PPARGC1A: variants seen among roughly 807,000 people sequenced by gnomAD.
PPARGC1A encodes PPARG coactivator 1 alpha.
Under a neutral mutation model 88.7 loss-of-function variants are expected in PPARGC1A, and 25 were observed. The ratio of observed to expected loss-of-function variants is 0.28; its 90% confidence interval spans 0.21 to 0.39. The LOEUF (loss-of-function observed/expected upper bound fraction) is 0.39, where lower values mean the gene tolerates loss of function less well. Ranked by LOEUF, PPARGC1A falls within the 10% of genes least tolerant of loss-of-function variation. The pLI is 1.00. For synonymous variants in PPARGC1A, 363 were observed against 355.6 expected, an observed-to-expected ratio of 1.02 and a Z score of -0.24; for missense variants, 880 against 968.7, an observed-to-expected ratio of 0.91 and a Z score of 1.22.
At chr4:23,808,034 G>A (rs943621657) in intron 10 of PPARGC1A, among the ~76,000 whole-genome samples, 13 of 152,020 alleles carry the variant, frequency 8.6e-5, no homozygotes, top group South Asian at 2.1e-4. Flanking sequence ...GGCAGATCAC[G>A]AGGTCAGGAG....
At chr4:24,093,311 T>C in the PPARGC1A span, among the ~76,000 whole-genome samples, 3 of 152,212 alleles carry the variant, frequency 2.0e-5, no homozygotes, top group Non-Finnish European at 2.9e-5. Flanking sequence ...CCTCGGTCAA[T>C]TGTGACACTT....
chr4:23,836,861 G>T (rs1443696768), intron 2 of PPARGC1A, among the ~76,000 whole-genome samples: 1 of 152,162 alleles, frequency 6.6e-6, no homozygotes, highest in African/African-American at 2.4e-5. Flanking sequence ...CACACAGAGG[G>T]TCAATAAATC....
the PPARGC1A span, among the ~76,000 whole-genome samples, chr4:24,248,854 G>A: frequency 1.3e-5 from 2 of 152,164 alleles, no homozygotes; most frequent in Non-Finnish European, 2.9e-5. Flanking sequence ...GGGCCCTAAG[G>A]TCAGGAATGC....
At chr4:23,915,839 T>C in the PPARGC1A span, among the ~76,000 whole-genome samples, 3 of 152,138 alleles carry the variant, frequency 2.0e-5, no homozygotes, top group African/African-American at 7.2e-5. Flanking sequence ...CACATGCAAA[T>C]GTGTAGTGAC....
chr4:24,237,773 C>T, the PPARGC1A span, among the ~76,000 whole-genome samples: 1 of 152,160 alleles, frequency 6.6e-6, no homozygotes, highest in Non-Finnish European at 1.5e-5. Flanking sequence ...GAGGCAACAA[C>T]TTTATAGGCG....
At chr4:23,960,247 CA>C in the PPARGC1A span, among the ~76,000 whole-genome samples, 1 of 152,070 alleles carries the variant, frequency 6.6e-6, no homozygotes, top group Non-Finnish European at 1.5e-5. Flanking sequence ...CTGGCAATAT[CA>C]GGGGACATTT....
At chr4:24,209,286 CTGA>C in the PPARGC1A span, among the ~76,000 whole-genome samples, 1 of 152,258 alleles carries the variant, frequency 6.6e-6, no homozygotes. Flanking sequence ...CAGGTGCTGC[CTGA>C]TGACTTCTTC....
chr4:24,096,758 CCACT>C, the PPARGC1A span, among the ~76,000 whole-genome samples: 1 of 151,942 alleles, frequency 6.6e-6, no homozygotes, highest in African/African-American at 2.4e-5. Flanking sequence ...TTTTCCTTAC[CCACT>C]GTTTTTCCCT....
chr4:24,347,582 C>T, the PPARGC1A span, among the ~76,000 whole-genome samples: 1 of 152,074 alleles, frequency 6.6e-6, no homozygotes, highest in Non-Finnish European at 1.5e-5. Context: ...TACCCCTGCT[C>T]GCTTTTGTTG....
intron 2 of PPARGC1A, among the ~76,000 whole-genome samples, chr4:23,879,292 C>T (rs1715438832): frequency 1.3e-5 from 2 of 152,102 alleles, no homozygotes; most frequent in African/African-American, 4.8e-5. Flanking sequence ...GAATTCATTA[C>T]CATGGAAGGC....
the PPARGC1A span, among the ~76,000 whole-genome samples, chr4:24,128,837 G>T: frequency 6.6e-6 from 1 of 152,056 alleles, no homozygotes; most frequent in Admixed American, 6.6e-5. Flanking sequence ...ATCCATAATT[G>T]GAGGAAAGGA....
intron 7 of PPARGC1A, among the ~76,000 whole-genome samples, chr4:23,818,259 T>G (rs1722343076): frequency 6.6e-6 from 1 of 152,154 alleles, no homozygotes; most frequent in Admixed American, 6.6e-5. Context: ...CAGATTTATG[T>G]GAGGACAGAT....
chr4:24,288,627 T>G, the PPARGC1A span, among the ~76,000 whole-genome samples: 14 of 152,306 alleles, frequency 9.2e-5, no homozygotes, highest in African/African-American at 3.4e-4. Flanking sequence ...ACTAATAAAG[T>G]TGACAGGAAG....
chr4:24,427,752 G>T, the PPARGC1A span, among the ~76,000 whole-genome samples: 10 of 151,974 alleles, frequency 6.6e-5, no homozygotes, highest in Admixed American at 6.6e-4. Context: ...CAGGAGGGGT[G>T]GTTACTGGCA....
the PPARGC1A span, among the ~76,000 whole-genome samples, chr4:24,202,177 C>T: frequency 3.9e-5 from 6 of 152,036 alleles, no homozygotes; most frequent in African/African-American, 1.2e-4. Context: ...CAAGGCTGGC[C>T]GATATCATCA....
intron 2 of PPARGC1A, chr4:23,880,766 G>C (rs1330009802): frequency 6.6e-6 from 1 of 152,172 alleles, no homozygotes; most frequent in African/African-American, 2.4e-5. Context: ...CAGGCTTCCT[G>C]AGAGTTCCAG....
intron 12 of PPARGC1A, among the ~76,000 whole-genome samples, chr4:23,798,434 T>C (rs1021741930): frequency 1.3e-5 from 2 of 152,114 alleles, no homozygotes; most frequent in African/African-American, 4.8e-5. Flanking sequence ...CAAAATATTA[T>C]TAAAACCATG....
At chr4:23,961,142 G>A in the PPARGC1A span, among the ~76,000 whole-genome samples, 3 of 152,078 alleles carry the variant, frequency 2.0e-5, no homozygotes, top group Non-Finnish European at 2.9e-5. Flanking sequence ...AAGTAACACC[G>A]TCTTACTATT....
At chr4:23,951,643 C>G in the PPARGC1A span, among the ~76,000 whole-genome samples, 1 of 152,090 alleles carries the variant, frequency 6.6e-6, no homozygotes. Flanking sequence ...TCAGGAGAGC[C>G]TTTGGCTAAA....
Sources: gnomAD v4.1 joint callset for allele counts (sites outside exome capture counted in the v4.1 genomes callset) on GRCh38, gnomAD v4.1.1 for gene constraint, MANE v1.5 for transcripts, NCBI Gene and HGNC (gene_info 2026-07-23, HGNC 2026-07-21) for gene names.